The following DEPDC5 variants were observed in gnomAD, a reference collection of about 807,000 sequenced individuals.
The protein encoded by DEPDC5 is DEP domain containing 5, GATOR1 subcomplex subunit, also known as GATOR1 complex protein DEPDC5.
A neutral mutation model predicts 217.3 loss-of-function variants in DEPDC5; 73 were observed. That is an observed-to-expected ratio of 0.34 (90% CI 0.28 to 0.41). DEPDC5 has a LOEUF of 0.41. DEPDC5 is among the 10% of genes least tolerant of loss of function. DEPDC5 has a pLI of 1.00. For synonymous variants in DEPDC5, 733 were observed against 756.7 expected (o/e 0.97, Z 0.51); for missense variants, 1,675 against 2,070.1 (o/e 0.81, Z 3.70).
At chr22:31,781,367 T>C (rs990667386) in intron 8 of DEPDC5, among the ~76,000 whole-genome samples, 4 of 152,196 alleles carry the variant, frequency 2.6e-5, no homozygotes, top group African/African-American at 9.6e-5. Flanking sequence ...GCAGTCCTTT[T>C]CAGTATCTGG....
chr22:31,760,543 T>C, intron 3 of DEPDC5, 113 bp from the exon 4 acceptor site: 1 of 874,024 alleles, frequency 1.1e-6, no homozygotes, highest in South Asian at 1.6e-5. Context: ...CCCGTTGTTG[T>C]GCTGTAAGTC....
chr22:31,834,122 G>A, intron 25 of DEPDC5, 142 bp downstream of exon 25: 1 of 833,794 alleles, frequency 1.2e-6, no homozygotes, highest in African/African-American at 1.7e-5. Context: ...GCGATGTGGT[G>A]AGGGAGGACT....
rs2085831185 is a variant in DEPDC5 at position 31,792,826 on chromosome 22, G to A, written c.767+9G>A. ...TATGAAGACTTTTACAAGTATGTTT[G>A]GGTGCTTTGCTATACTTTTTATTTA... On this transcript the variant is annotated intron_variant, in intron 12 of 42. Transcript: ENST00000651528. The A allele has an allele frequency of 6.6e-7, 1 of 1,517,622 alleles. No individual in the cohort carries two copies. Among genetic ancestry groups the A allele is most frequent in the Non-Finnish European group, 8.7e-7 (1 of 1,143,778 alleles). 94.0% of individuals were successfully genotyped at this position (1,517,622 alleles called of 1,614,324 possible).
rs2092830886 is a variant in DEPDC5 at position 31,871,133 on chromosome 22, TG to T, written c.3485+390del. Among the ~76,000 whole-genome samples, 67 of 152,232 alleles carry T rather than the reference TG, an allele frequency of 4.4e-4. 1 individual carries two copies. Among genetic ancestry groups the T allele is most frequent in the Admixed American group, 4.4e-3 (67 of 15,274 alleles). On this transcript the variant is annotated intron_variant, in intron 34 of 42. Coordinates refer to ENST00000651528, the MANE Select transcript of DEPDC5 (RefSeq NM_001242896.3). ...ATGAATCACTAATTGTGGCCAAACATGACTGTTCTTCTTCTATTCCTTAGTA... is the reference window on the plus strand; with the variant it reads ...ATGAATCACTAATTGTGGCCAAACATACTGTTCTTCTTCTATTCCTTAGTA...
At chr22:31,848,077 T>G in intron 31 of DEPDC5, among the ~76,000 whole-genome samples, 1 of 152,220 alleles carries the variant, frequency 6.6e-6, no homozygotes, top group Non-Finnish European at 1.5e-5. Context: ...AATGATCTCC[T>G]TTGATTCCAA....
Position 31,778,771 on chromosome 22 carries a change from C to G in DEPDC5, c.483+603C>G, listed in dbSNP as rs576910874. On this transcript the variant is annotated intron_variant, in intron 8 of 42. Coordinates refer to ENST00000651528, the MANE Select transcript of DEPDC5 (RefSeq NM_001242896.3). ...AGAGACCTTTGCCAATGAACGTTAC[C>G]CATGCTGGTAAAACTGTATGTCTAC... Among the ~76,000 whole-genome samples the G allele has an allele frequency of 5.3e-5, 8 of 152,248 alleles. No homozygotes were observed. The East Asian group carries it at 1.2e-3, about 22-fold the overall frequency.
intron 21 of DEPDC5, chr22:31,816,794 A>T (rs147359287): frequency 1.3e-5 from 2 of 152,522 alleles, no homozygotes; most frequent in East Asian, 3.9e-4. Flanking sequence ...TTCCTTTTCC[A>T]TGAGGATCAT....
intron 40 of DEPDC5, among the ~76,000 whole-genome samples, chr22:31,901,263 T>C (rs2093643952): frequency 6.6e-6 from 1 of 150,992 alleles, no homozygotes; most frequent in Non-Finnish European, 1.5e-5. Flanking sequence ...AAAAAAAAAT[T>C]AGTTGGCCAT....
intron 2 of DEPDC5, chr22:31,757,621 A>T (rs2083676040): frequency 6.6e-6 from 1 of 152,238 alleles, no homozygotes; most frequent in Non-Finnish European, 1.5e-5. Context: ...GCATAATTAA[A>T]GGTGATGTCT....
At chr22:31,876,417 T>G in intron 37 of DEPDC5, 152 bp downstream of exon 37, 1 of 622,730 alleles carries the variant, frequency 1.6e-6, no homozygotes, top group Non-Finnish European at 2.8e-6. Flanking sequence ...TGTACTTAAT[T>G]TAAGCATAGC....
chr22:31,862,380 C>T (rs1272840917), intron 33 of DEPDC5, among the ~76,000 whole-genome samples: 1 of 152,106 alleles, frequency 6.6e-6, no homozygotes, highest in African/African-American at 2.4e-5. Flanking sequence ...GCTGGGCCAA[C>T]ATGGCAAAAC....
chr22:31,777,106 G>C (rs2083943455), intron 7 of DEPDC5, among the ~76,000 whole-genome samples: 1 of 150,454 alleles, frequency 6.6e-6, no homozygotes, highest in South Asian at 2.1e-4. Flanking sequence ...TGGGTCTATA[G>C]GTGCCACCAT....
Position 31,906,847 on chromosome 22 carries a change from G to A in DEPDC5, c.*350G>A. 2.5e-6 allele frequency: 1 copy of A among 402,708 alleles called. No individual in the cohort carries two copies. Among genetic ancestry groups the A allele is most frequent in the Non-Finnish European group, 4.6e-6 (1 of 219,580 alleles). The allele number at this position is 402,708 out of a possible 1,614,324, so 24.9% of individuals were successfully genotyped here. Reference sequence around the variant, plus strand: ...CCTCGGAAGGGGGTGGCTCCTGGTAGCATCCTTTTCCTTCACCATCTATGG... The same window carrying A: ...CCTCGGAAGGGGGTGGCTCCTGGTAACATCCTTTTCCTTCACCATCTATGG... On this transcript the variant is annotated 3_prime_UTR_variant, in exon 43 of 43. Transcript: ENST00000651528. The surrounding 1 kb of genome is among the most constrained non-coding windows in gnomAD (Gnocchi z 5.1).
At chr22:31,836,225 A>G (rs1341706456) in intron 25 of DEPDC5, among the ~76,000 whole-genome samples, 1 of 152,216 alleles carries the variant, frequency 6.6e-6, no homozygotes, top group Non-Finnish European at 1.5e-5. Flanking sequence ...TCTAGTGAGT[A>G]GAGTCCAAGG....
At chr22:31,905,050 T>C (rs181468996) in intron 41 of DEPDC5, among the ~76,000 whole-genome samples, 21 of 152,212 alleles carry the variant, frequency 1.4e-4, no homozygotes, top group African/African-American at 5.1e-4. Flanking sequence ...TTACAGCTCT[T>C]AGCAGGTAGA....
At chr22:31,851,725 G>A (rs2092037157) in intron 31 of DEPDC5, among the ~76,000 whole-genome samples, 1 of 152,116 alleles carries the variant, frequency 6.6e-6, no homozygotes, top group Admixed American at 6.6e-5. Context: ...ATGGTATGAG[G>A]GTCTGTCATG....
At chr22:31,780,721 G>T (rs2084343386) in intron 8 of DEPDC5, among the ~76,000 whole-genome samples, 1 of 152,172 alleles carries the variant, frequency 6.6e-6, no homozygotes, top group African/African-American at 2.4e-5. Flanking sequence ...ATGGCACCCT[G>T]GATCTGTGCA....
chr22:31,781,171 G>A (rs549067928), intron 8 of DEPDC5, among the ~76,000 whole-genome samples: 180 of 150,230 alleles, frequency 1.2e-3, no homozygotes, highest in Admixed American at 2.4e-3. Context: ...AACCAAGATC[G>A]CGCCATTGCA....
At chr22:31,821,825 C>T (rs1404254675) in intron 23 of DEPDC5, among the ~76,000 whole-genome samples, 188 bp downstream of exon 23, 1 of 152,234 alleles carries the variant, frequency 6.6e-6, no homozygotes, top group African/African-American at 2.4e-5. Flanking sequence ...AACATCCTGA[C>T]ATTTTTGCCT....
Sources: gnomAD v4.1 joint callset for allele counts (sites outside exome capture counted in the v4.1 genomes callset) on GRCh38, gnomAD v4.1.1 for gene constraint, Gnocchi (gnomAD v3.1) non-coding constraint, MANE v1.5 for transcripts, NCBI Gene and HGNC (gene_info 2026-07-23, HGNC 2026-07-21) for gene names.